The following HCRTR1 variants were observed in gnomAD, a reference collection of about 807,000 sequenced individuals.
HCRTR1 encodes orexin/Hypocretin receptor type 1.
HCRTR1 carries 28 observed loss-of-function variants against 40.6 expected under a neutral mutation model. The observed-to-expected ratio is 0.69, with a 90% CI of 0.51 to 0.95. HCRTR1 has a LOEUF of 0.95. Among genes scored for constraint, HCRTR1 ranks in the 40% least tolerant of loss-of-function variants. HCRTR1 has a pLI of 0.00. For synonymous variants in HCRTR1, 209 were observed against 230.0 expected (o/e 0.91, Z 0.83); for missense variants, 482 against 564.7 (o/e 0.85, Z 1.48).
At chr1:31,623,444 C>A in intron 6 of HCRTR1, 79 bp from the exon 7 acceptor site, 2 of 1,259,602 alleles carry the variant, frequency 1.6e-6, no homozygotes, top group South Asian at 3.0e-5. Context: ...GGGGTCCAGC[C>A]TGGAGTAGGC....
chr1:31,626,669 TCCCTCCC>T lies in HCRTR1; in HGVS notation c.1088-120_1088-114del. ...GGGCTCTCCCTCCCAGCTCTATCCC[TCCCTCCC>T]TCCCCGCCCCCTCATAGGCAGCTTG... On this transcript the variant is annotated intron_variant, in intron 8 of 8. Transcript: ENST00000403528. The surrounding 1 kb of genome is among the most constrained non-coding windows in gnomAD (Gnocchi z 4.6). The T allele has an allele frequency of 2.5e-6, 1 of 394,112 alleles. No homozygotes were observed. The highest frequency in any genetic ancestry group is 5.1e-6 in the Non-Finnish European group (1 of 196,622). 24.4% of individuals were successfully genotyped at this position (394,112 alleles called of 1,614,324 possible). A position where few individuals can be genotyped will look rare whatever the true frequency, so the allele number is the denominator to read the frequency against.
At chr1:31,633,204 A>G (rs1310364579), downstream of HCRTR1, 2 of 1,613,972 alleles carry the variant, frequency 1.2e-6, no homozygotes, top group South Asian at 2.2e-5. Flanking sequence ...GACCAATTGC[A>G]GTTGACCAGG....
downstream of HCRTR1, among the ~76,000 whole-genome samples, chr1:31,629,211 C>T (rs534252866): frequency 2.0e-4 from 31 of 152,254 alleles, no homozygotes; most frequent in South Asian, 2.7e-3. Flanking sequence ...TGGCTAAGCC[C>T]GACACACTGC....
chr1:31,630,509 G>C, downstream of HCRTR1: 1 of 1,156,186 alleles, frequency 8.6e-7, no homozygotes, highest in Non-Finnish European at 1.2e-6. Context: ...AAGGGAGAAT[G>C]TTCTTCTAGA....
At chr1:31,630,711 G>C, downstream of HCRTR1, 10 of 1,614,198 alleles carry the variant, frequency 6.2e-6, no homozygotes, top group Non-Finnish European at 8.5e-6. Flanking sequence ...GCCTCTGTCA[G>C]CACCTGCAGC....
At chr1:31,623,138 G>A (rs2148610322) in intron 6 of HCRTR1, among the ~76,000 whole-genome samples, 1 of 152,126 alleles carries the variant, frequency 6.6e-6, no homozygotes, top group South Asian at 2.1e-4. Flanking sequence ...AGACCAGCCT[G>A]GCCAACGTGG....
chr1:31,634,227 G>A (rs1487116979), downstream of HCRTR1, among the ~76,000 whole-genome samples: 5 of 152,330 alleles, frequency 3.3e-5, no homozygotes, highest in East Asian at 9.6e-4. Flanking sequence ...TCATAGGGGA[G>A]CAAGGGCCAC....
chr1:31,624,891 C>A, intron 7 of HCRTR1, 106 bp from the exon 8 acceptor site: 1 of 1,225,334 alleles, frequency 8.2e-7, no homozygotes, highest in Non-Finnish European at 1.1e-6. Context: ...CAGAAGTGGG[C>A]AGTAGGAACT....
rs762531226 is a variant in HCRTR1 at position 31,619,680 on chromosome 1, T to C, written c.348T>C (p.His116=). ...TCACTGAGTCCTGGCTGTTCGGCCA[T>C]GCCCTCTGCAAGGTCATCCCCTATC... ...VDITESWLFG[H]ALCKVIPYLQ... is the part of the protein sequence containing the mutation. The change falls in exon 4 of 9, where the codon CAT becomes CAC. Residue 116 remains histidine, a synonymous_variant. Coordinates refer to ENST00000403528, the MANE Select transcript of HCRTR1 (RefSeq NM_001525.3). 1 of 1,610,698 alleles carries C rather than the reference T, an allele frequency of 6.2e-7. No individual in the cohort carries two copies. Among genetic ancestry groups the C allele is most frequent in the South Asian group, 1.1e-5 (1 of 90,432 alleles).
chr1:31,629,821 G>A (rs1323848087), downstream of HCRTR1: 1 of 152,288 alleles, frequency 6.6e-6, no homozygotes, highest in Non-Finnish European at 1.5e-5. Context: ...GAAAGGATGA[G>A]TGGATGGACC....
chr1:31,634,184 G>A (rs1341307041), downstream of HCRTR1, among the ~76,000 whole-genome samples: 1 of 152,168 alleles, frequency 6.6e-6, no homozygotes, highest in African/African-American at 2.4e-5. Flanking sequence ...AAAAATCCGG[G>A]CAGGTTCTAG....
At chr1:31,627,917 G>A (rs1310160387), downstream of HCRTR1, among the ~76,000 whole-genome samples, 1 of 152,220 alleles carries the variant, frequency 6.6e-6, no homozygotes, top group Non-Finnish European at 1.5e-5. Flanking sequence ...GGGTTAACAG[G>A]CTGATTTACT....
downstream of HCRTR1, chr1:31,633,010 G>C: frequency 2.2e-6 from 2 of 916,516 alleles, no homozygotes; most frequent in Non-Finnish European, 3.3e-6. Flanking sequence ...CAGTCTAGGG[G>C]ATCTCACCCT....
In HCRTR1 at chr1:31,626,631, C is replaced by T. The variant is rs568542963; in HGVS notation, c.1088-159C>T. Among the ~76,000 whole-genome samples, 3 of 152,242 alleles carry T rather than the reference C, an allele frequency of 2.0e-5. No individual in the cohort carries two copies. The highest frequency in any genetic ancestry group is 7.2e-5 in the African/African-American group (3 of 41,524). On this transcript the variant is annotated intron_variant, in intron 8 of 8. Coordinates refer to ENST00000403528, the MANE Select transcript of HCRTR1 (RefSeq NM_001525.3). The surrounding 1 kb of genome is among the most constrained non-coding windows in gnomAD (Gnocchi z 4.6). ...TTCTGTCCTCTCTCTCTGGCGGTGC[C>T]GAGGTTGCCTCAGGGCTCTCCCTCC... is the stretch of plus-strand genomic sequence containing the variant.
At chr1:31,621,151 G>GACAGGCAT in intron 5 of HCRTR1, 65 bp downstream of exon 5, 1 of 1,547,458 alleles carries the variant, frequency 6.5e-7, no homozygotes, top group Non-Finnish European at 8.7e-7. Context: ...GTACCCCTAG[G>GACAGGCAT]ACAGGCATCT....
At chr1:31,628,666 C>G (rs1640024504), downstream of HCRTR1, among the ~76,000 whole-genome samples, 1 of 152,262 alleles carries the variant, frequency 6.6e-6, no homozygotes, top group African/African-American at 2.4e-5. Flanking sequence ...ACAACAGGCG[C>G]TGCTCCTAAT....
downstream of HCRTR1, among the ~76,000 whole-genome samples, chr1:31,628,724 C>T (rs1640025676): frequency 6.6e-6 from 1 of 152,176 alleles, no homozygotes; most frequent in Non-Finnish European, 1.5e-5. Context: ...GGGCCTCAGC[C>T]CTCCACTCTG....
At chr1:31,624,411 G>A (rs1418501414) in intron 7 of HCRTR1, among the ~76,000 whole-genome samples, 1 of 135,046 alleles carries the variant, frequency 7.4e-6, no homozygotes, top group Non-Finnish European at 1.5e-5. Context: ...AACCATGATT[G>A]CACCACTGCA....
chr1:31,624,980 C>G lies in HCRTR1; in HGVS notation c.966-17C>G. On this transcript the variant is annotated splice_polypyrimidine_tract_variant and intron_variant, in intron 7 of 8. Transcript: ENST00000403528. ...CGCAGCTACCCCATTTCTGACGCTC[C>G]TCCACCCTGGGCCTAGGGTGTTCGG... 6.3e-7 allele frequency: 1 copy of G among 1,582,772 alleles called. No individual in the cohort carries two copies. Among genetic ancestry groups the G allele is most frequent in the East Asian group, 2.3e-5 (1 of 43,736 alleles).
Sources: allele counts gnomAD v4.1 joint callset (sites outside exome capture counted in the v4.1 genomes callset), GRCh38; gene constraint gnomAD v4.1.1; non-coding constraint Gnocchi (gnomAD v3.1); transcripts MANE v1.5; gene names NCBI Gene and HGNC (gene_info 2026-07-23, HGNC 2026-07-21).